Variants in ARRDC3 observed in about 807,000 individuals in gnomAD.
ARRDC3 encodes the protein arrestin domain-containing protein 3.
A neutral mutation model predicts 47.2 loss-of-function variants in ARRDC3; 10 were observed. That is an observed-to-expected ratio of 0.21 (90% CI 0.13 to 0.36). The LOEUF (loss-of-function observed/expected upper bound fraction) is 0.36. ARRDC3 is among the 10% of genes least tolerant of loss of function. The pLI is 1.00. For missense variants in ARRDC3, 381 were observed against 503.6 expected (o/e 0.76, Z 2.33); for synonymous variants, 156 against 178.3 (o/e 0.87, Z 1.00).
chr5:91,369,208 G>C lies in ARRDC3; in HGVS notation c.*2192C>G, dbSNP rs17638113. On this transcript the variant is annotated 3_prime_UTR_variant, in exon 8 of 8. Coordinates refer to ENST00000265138, the MANE Select transcript of ARRDC3 (RefSeq NM_020801.4). The stretch of plus-strand genomic sequence containing the variant: ...TATTTGTAAGAGTATATAATGACAA[G>C]TATTCCAATGCTATGCATATCAACA... 1 of 152,470 alleles carries C rather than the reference G, an allele frequency of 6.6e-6. No individual in the cohort carries two copies. The highest frequency in any genetic ancestry group is 2.4e-5 in the African/African-American group (1 of 41,408). The allele number at this position is 152,470 out of a possible 1,614,324, so 9.4% of individuals were successfully genotyped here.
At position 91,374,260 on chromosome 5, in the gene ARRDC3, G is replaced by A; in HGVS notation, c.887C>T (p.Pro296Leu). 1 of 1,612,808 alleles carries A rather than the reference G, an allele frequency of 6.2e-7. No individual in the cohort carries two copies. Among genetic ancestry groups the A allele is most frequent in the Non-Finnish European group, 8.5e-7 (1 of 1,179,264 alleles). ...ATTAAGAAATAAATCCATAGCTCCA[G>A]GAATATCCACATATACCTAAACATT... ...EYSLMVYVDI[P>L]GAMDLFLNLP... The change falls in exon 6 of 8, where the codon CCT becomes CTT. Residue 296 changes from proline to leucine, a missense_variant. Pro to Leu is a moderately conservative substitution (Grantham distance 98). Transcript: ENST00000265138.
chr5:91,371,539 A>C (rs1799178960), intron 7 of ARRDC3, 83 bp from the exon 8 acceptor site: 5 of 1,001,510 alleles, frequency 5.0e-6, no homozygotes, highest in Non-Finnish European at 7.5e-6. Context: ...AATTCTGAAT[A>C]CTAGTCAAGA....
chr5:91,381,648 G>A (rs1269657199), intron 1 of ARRDC3, among the ~76,000 whole-genome samples: 1 of 152,152 alleles, frequency 6.6e-6, no homozygotes, highest in Non-Finnish European at 1.5e-5. Flanking sequence ...CAGGATGTAC[G>A]TTTTTAATAT....
At chr5:91,378,578 A>G in intron 2 of ARRDC3, 116 bp downstream of exon 2, 1 of 640,530 alleles carries the variant, frequency 1.6e-6, no homozygotes, top group South Asian at 2.3e-5. Context: ...AGCAAGTTTC[A>G]GTAATGAAAA....
chr5:91,376,267 A>T (rs1799301098), intron 3 of ARRDC3, among the ~76,000 whole-genome samples: 1 of 152,210 alleles, frequency 6.6e-6, no homozygotes, highest in South Asian at 2.1e-4. Flanking sequence ...GATATTGTCA[A>T]GTAAGTGATA....
intron 2 of ARRDC3, 106 bp from the exon 3 acceptor site, chr5:91,376,874 TG>T: frequency 9.1e-7 from 1 of 1,099,032 alleles, no homozygotes; most frequent in Non-Finnish European, 1.2e-6. Flanking sequence ...TATGTTCCAA[TG>T]AGGTATCAAA....
At chr5:91,380,305 C>A (rs914755990) in intron 1 of ARRDC3, 1 of 152,998 alleles carries the variant, frequency 6.5e-6, no homozygotes, top group African/African-American at 2.4e-5. Context: ...CGCAACCTAG[C>A]CTGCTGGCCG....
At chr5:91,377,913 G>A (rs1378572054) in intron 2 of ARRDC3, among the ~76,000 whole-genome samples, 1 of 151,960 alleles carries the variant, frequency 6.6e-6, no homozygotes, top group East Asian at 1.9e-4. Context: ...CAGAATTAAT[G>A]TACATTTGTC....
At position 91,371,008 on chromosome 5, in the gene ARRDC3, G is replaced by GAAAA. The variant is rs767515801; in HGVS notation, c.*388_*391dup. The GAAAA allele has an allele frequency of 2.6e-3, 201 of 77,624 alleles. No homozygotes were observed. Among genetic ancestry groups the GAAAA allele is most frequent in the African/African-American group, 5.0e-3 (120 of 23,886 alleles). The allele number at this position is 77,624 out of a possible 1,614,324, so 4.8% of individuals were successfully genotyped here. ...GAGTATCAAGAGTCTGGCAAAAATA[G>GAAAA]AAAAAAAAAAAAAAAAAAAAAGAAG... On this transcript the variant is annotated 3_prime_UTR_variant, in exon 8 of 8. Transcript: ENST00000265138.
intron 7 of ARRDC3, among the ~76,000 whole-genome samples, chr5:91,372,555 C>T (rs1176788886): frequency 6.6e-6 from 1 of 151,992 alleles, no homozygotes; most frequent in African/African-American, 2.4e-5. Context: ...AAATCTGTAA[C>T]AAGTGGCAGA....
At position 91,371,364 on chromosome 5, in the gene ARRDC3, G is replaced by A. The variant is rs377523473; in HGVS notation, c.*36C>T. On this transcript the variant is annotated 3_prime_UTR_variant, in exon 8 of 8. Coordinates refer to ENST00000265138, the MANE Select transcript of ARRDC3 (RefSeq NM_020801.4). ...TCCTCAGCCGGAAGAGATACAGTTC[G>A]GAACCCACATCAACTTGATTCAACC... is the stretch of plus-strand genomic sequence containing the variant. 32 of 1,573,106 alleles carry A rather than the reference G, an allele frequency of 2.0e-5. No homozygotes were observed. The African/African-American group carries it at 3.9e-4, about 19-fold the overall frequency.
intron 2 of ARRDC3, 121 bp downstream of exon 2, chr5:91,378,572 AG>A: frequency 1.6e-6 from 1 of 623,900 alleles, no homozygotes; most frequent in Admixed American, 3.8e-5. Flanking sequence ...TCCTCTAGCA[AG>A]TTTCAGTAAT....
chr5:91,382,796 G>C lies in ARRDC3; in HGVS notation c.280+17C>G. On this transcript the variant is annotated intron_variant, in intron 1 of 7. Coordinates refer to ENST00000265138, the MANE Select transcript of ARRDC3 (RefSeq NM_020801.4). ...AAAGAAAATGAGTCCAATGACTTATGAATAACAAAAACTTACCTCTTTCGT... is the reference window on the plus strand; with the variant it reads ...AAAGAAAATGAGTCCAATGACTTATCAATAACAAAAACTTACCTCTTTCGT... 1 of 1,602,856 alleles carries C rather than the reference G, an allele frequency of 6.2e-7. No individual in the cohort carries two copies. The highest frequency in any genetic ancestry group is 8.5e-7 in the Non-Finnish European group (1 of 1,174,538).
chr5:91,375,393 A>G (rs763348827), intron 4 of ARRDC3, 118 bp downstream of exon 4: 10 of 873,516 alleles, frequency 1.1e-5, no homozygotes, highest in Non-Finnish European at 1.7e-5. Context: ...GGATAAGCAC[A>G]ATTTGTTATT....
In ARRDC3 at chr5:91,374,945, T is replaced by C; in HGVS notation, c.847A>G (p.Ile283Val). ...ACCATTAGTGAATATTCCACGCGGA[T>C]TATACTACAGTCGAGGATAGAGGGA... is the stretch of plus-strand genomic sequence containing the variant. ...VSPSILDCSIIRVEYSLMVYV... is the reference protein window; with the variant it reads ...VSPSILDCSIVRVEYSLMVYV... The change falls in exon 5 of 8, where the codon ATC becomes GTC. Residue 283 changes from isoleucine (I) to valine (V), a missense_variant. Coordinates refer to ENST00000265138, the MANE Select transcript of ARRDC3 (RefSeq NM_020801.4). 5.0e-6 allele frequency: 8 copies of C among 1,614,114 alleles called. No homozygotes were observed. The highest frequency in any genetic ancestry group is 6.8e-6 in the Non-Finnish European group (8 of 1,179,970).
At chr5:91,382,012 C>T (rs1307985218) in intron 1 of ARRDC3, among the ~76,000 whole-genome samples, 3 of 152,198 alleles carry the variant, frequency 2.0e-5, no homozygotes, top group African/African-American at 7.2e-5. Context: ...CTTTTGACAA[C>T]CCTTTATCTC....
chr5:91,378,569 G>T, intron 2 of ARRDC3, 125 bp downstream of exon 2: 2 of 613,624 alleles, frequency 3.3e-6, no homozygotes, highest in Non-Finnish European at 2.8e-6. Flanking sequence ...TTTTCCTCTA[G>T]CAAGTTTCAG....
At chr5:91,374,399 G>T in intron 5 of ARRDC3, 123 bp from the exon 6 acceptor site, 1 of 812,422 alleles carries the variant, frequency 1.2e-6, no homozygotes, top group Non-Finnish European at 1.9e-6. Context: ...TTACATACAT[G>T]AAAAGTTTCT....
chr5:91,379,326 T>C (rs903453782), intron 1 of ARRDC3, among the ~76,000 whole-genome samples: 1 of 150,376 alleles, frequency 6.6e-6, no homozygotes, highest in Non-Finnish European at 1.5e-5. Flanking sequence ...CACATTGATT[T>C]TAATGTCAGA....
Sources: gnomAD v4.1 joint callset for allele counts (sites outside exome capture counted in the v4.1 genomes callset) on GRCh38, gnomAD v4.1.1 for gene constraint, MANE v1.5 for transcripts, NCBI Gene and HGNC (gene_info 2026-07-23, HGNC 2026-07-21) for gene names.